The following ATRN variants were observed in gnomAD, a reference collection of about 807,000 sequenced individuals.
The protein encoded by ATRN is attractin, also known as attractin-2.
A neutral mutation model predicts 178.7 loss-of-function variants in ATRN; 54 were observed. The observed-to-expected ratio is 0.30, with a 90% CI of 0.24 to 0.38. The LOEUF (loss-of-function observed/expected upper bound fraction) is 0.38. Ranked by LOEUF, ATRN falls within the 10% of genes least tolerant of loss-of-function variation. The probability of loss-of-function intolerance (pLI) is 1.00; values close to 1 mark genes in which losing one functional copy is unlikely to be tolerated. For synonymous variants in ATRN, 636 were observed against 663.0 expected (o/e 0.96, Z 0.63); for missense variants, 1,443 against 1,815.1 (o/e 0.79, Z 3.73).
chr20:3,614,035 A>G (rs2146304576), intron 24 of ATRN, among the ~76,000 whole-genome samples: 1 of 152,334 alleles, frequency 6.6e-6, no homozygotes, highest in East Asian at 1.9e-4. Flanking sequence ...ACAGATCAAA[A>G]CCTATAACTG....
At chr20:3,591,447 A>T (rs1337403067) in intron 19 of ATRN, 141 bp downstream of exon 19, 7 of 1,097,486 alleles carry the variant, frequency 6.4e-6, no homozygotes. Flanking sequence ...TCAGAAGCTC[A>T]GCTGAGCTGG....
At chr20:3,524,798 G>C (rs1264020515) in intron 1 of ATRN, among the ~76,000 whole-genome samples, 1 of 152,174 alleles carries the variant, frequency 6.6e-6, no homozygotes, top group Non-Finnish European at 1.5e-5. Context: ...ACCTTCTCCT[G>C]AATGACTACT....
At chr20:3,628,798 C>A in intron 25 of ATRN, 1 of 760,572 alleles carries the variant, frequency 1.3e-6, no homozygotes, top group Non-Finnish European at 1.6e-6. Context: ...ATGAGCGAGA[C>A]TCTTCCAGCC....
At chr20:3,585,667 A>G (rs2086347414) in intron 18 of ATRN, among the ~76,000 whole-genome samples, 1 of 152,242 alleles carries the variant, frequency 6.6e-6, no homozygotes, top group Admixed American at 6.5e-5. Context: ...GACAACCCAG[A>G]GAATGGGAGA....
At chr20:3,538,184 TAGA>T in intron 2 of ATRN, among the ~76,000 whole-genome samples, 1 of 150,060 alleles carries the variant, frequency 6.7e-6, no homozygotes, top group South Asian at 2.1e-4. Context: ...TTAATAACAT[TAGA>T]AGTTTTTAAC....
rs1475355272 is a variant in ATRN, at chr20:3,565,415, A to G, written c.1854A>G (p.Ser618=). The G allele has an allele frequency of 6.2e-7, 1 of 1,613,724 alleles. No individual in the cohort carries two copies. The highest frequency in any genetic ancestry group is 1.3e-5 in the African/African-American group (1 of 74,912). Reference sequence around the variant, plus strand: ...ATGATGTCAACAGATTTGGCCATTCAGCAGTCTTACACAACAGGTAATTGG... The same window carrying G: ...ATGATGTCAACAGATTTGGCCATTCGGCAGTCTTACACAACAGGTAATTGG... ...LHHDVNRFGH[S]AVLHNSTMYV... Residue 618 remains serine, a synonymous_variant, in exon 11 of 29, where the codon TCA becomes TCG. Coordinates refer to ENST00000262919, the MANE Select transcript of ATRN (RefSeq NM_139321.3).
At chr20:3,533,676 A>C (rs1600082827) in intron 1 of ATRN, among the ~76,000 whole-genome samples, 1 of 151,936 alleles carries the variant, frequency 6.6e-6, no homozygotes, top group African/African-American at 2.4e-5. Context: ...AATGCATTGC[A>C]TGCTCTGGAT....
At position 3,638,183 on chromosome 20, in the gene ATRN, G is replaced by T. The variant is rs1468248383; in HGVS notation, c.3943-645G>T. On this transcript the variant is annotated intron_variant, in intron 26 of 28. Transcript: ENST00000262919. The surrounding 1 kb of genome is among the most constrained non-coding windows in gnomAD (Gnocchi z 4.5). ...CAGAACATGTAGATTTGTTACATAG[G>T]TATACATGTGCCGTGGTGGTTTGCC... Among the ~76,000 whole-genome samples the T allele has an allele frequency of 2.6e-5, 4 of 152,124 alleles. No individual in the cohort carries two copies. The highest frequency in any genetic ancestry group is 4.4e-5 in the Non-Finnish European group (3 of 68,018).
intron 16 of ATRN, among the ~76,000 whole-genome samples, chr20:3,583,687 A>T (rs1353323031): frequency 2.0e-5 from 3 of 152,132 alleles, no homozygotes; most frequent in African/African-American, 7.2e-5. Flanking sequence ...GCACCCCTGT[A>T]GTCCCAGCTA....
At position 3,594,512 on chromosome 20, in the gene ATRN, A is replaced by C; in HGVS notation, c.3356A>C (p.Asn1119Thr). 6.2e-7 allele frequency: 1 copy of C among 1,612,560 alleles called. No homozygotes were observed. Among genetic ancestry groups the C allele is most frequent in the Non-Finnish European group, 8.5e-7 (1 of 1,178,902 alleles). The change falls in exon 20 of 29, where the codon AAC (asparagine) becomes ACC (threonine). Residue 1119 changes from asparagine (N) to threonine (T), a missense_variant. Coordinates refer to ENST00000262919, the MANE Select transcript of ATRN (RefSeq NM_139321.3). Reference protein sequence around the residue: ...CKCNGHASLCNTNTGKCFCTT... With the variant: ...CKCNGHASLCTTNTGKCFCTT... ...TGCAATGGGCACGCGTCTCTGTGCA[A>C]CACCAACACGGGCAAGTGCTTCTGC... is the stretch of plus-strand genomic sequence containing the variant.
chr20:3,471,512 C>T lies in ATRN; in HGVS notation c.405C>T (p.Arg135=), dbSNP rs866145322. The change falls in exon 1 of 29, where the codon CGC becomes CGT. Residue 135 remains arginine, a synonymous_variant. Coordinates refer to ENST00000262919, the MANE Select transcript of ATRN (RefSeq NM_139321.3). ...VGEQCQHCGG[R]FRLTGSSGFV... ...AGCAATGCCAGCACTGCGGGGGCCG[C>T]TTCAGGTGAGTGGCGGGTGGTGTCG... 1.4e-6 allele frequency: 2 copies of T among 1,399,780 alleles called. No individual in the cohort carries two copies. Among genetic ancestry groups the T allele is most frequent in the Middle Eastern group, 4.0e-4 (2 of 5,000 alleles). 86.7% of individuals were successfully genotyped at this position (1,399,780 alleles called of 1,614,324 possible).
chr20:3,558,207 G>A (rs1340054476), intron 6 of ATRN, among the ~76,000 whole-genome samples: 2 of 152,042 alleles, frequency 1.3e-5, no homozygotes, highest in Non-Finnish European at 2.9e-5. Context: ...TAAATTTTCT[G>A]TTTTTAGTCT....
intron 23 of ATRN, 64 bp downstream of exon 23, chr20:3,601,088 G>A (rs2086601745): frequency 1.4e-6 from 2 of 1,457,784 alleles, no homozygotes; most frequent in East Asian, 4.6e-5. Context: ...ATGTAATATA[G>A]GAATTGAGAA....
At chr20:3,492,854 G>GACGC (rs1555807888) in intron 1 of ATRN, among the ~76,000 whole-genome samples, 5 of 132,432 alleles carry the variant, frequency 3.8e-5, no homozygotes, top group African/African-American at 9.0e-5. Context: ...GAGAGAGAGA[G>GACGC]GCGCGCGCGC....
Position 3,638,716 on chromosome 20 carries a change from G to T in ATRN, c.3943-112G>T. On this transcript the variant is annotated intron_variant, in intron 26 of 28. Transcript: ENST00000262919. This position sits in a 1 kb window ranked among gnomAD's most constrained non-coding sequence, Gnocchi z 4.5. The stretch of plus-strand genomic sequence containing the variant: ...TATCAAGTCTAAAAAGTATCATTTT[G>T]GACTTGATTTGTTTGAATCAGGGAG... 2 of 825,970 alleles carry T rather than the reference G, an allele frequency of 2.4e-6. No individual in the cohort carries two copies. The highest frequency in any genetic ancestry group is 1.7e-5 in the African/African-American group (1 of 58,086). 51.2% of individuals were successfully genotyped at this position (825,970 alleles called of 1,614,324 possible).
At chr20:3,478,599 G>A (rs559937137) in intron 1 of ATRN, among the ~76,000 whole-genome samples, 4 of 152,200 alleles carry the variant, frequency 2.6e-5, no homozygotes, top group South Asian at 2.1e-4. Context: ...ATGGGTTGAT[G>A]GGTGCAGTAA....
chr20:3,580,934 A>G (rs191772481), intron 15 of ATRN, among the ~76,000 whole-genome samples: 1 of 152,036 alleles, frequency 6.6e-6, no homozygotes, highest in East Asian at 1.9e-4. Flanking sequence ...AGGCATGTGT[A>G]TTTTTTCCTC....
intron 11 of ATRN, among the ~76,000 whole-genome samples, chr20:3,565,796 C>CAAAAAAAAAAAAAATAA (rs2086026400): frequency 1.0e-5 from 1 of 100,244 alleles, no homozygotes. Flanking sequence ...GACTCTGTCT[C>CAAAAAAAAAAAAAATAA]AAAAAAAAAA....
intron 2 of ATRN, 61 bp downstream of exon 2, chr20:3,535,397 G>A: frequency 1.1e-6 from 1 of 870,264 alleles, no homozygotes; most frequent in Non-Finnish European, 1.7e-6. Flanking sequence ...TGTGACATTA[G>A]TTTTCCCACA....
Sources: allele counts gnomAD v4.1 joint callset (sites outside exome capture counted in the v4.1 genomes callset), GRCh38; gene constraint gnomAD v4.1.1; non-coding constraint Gnocchi (gnomAD v3.1); transcripts MANE v1.5; gene names NCBI Gene and HGNC (gene_info 2026-07-23, HGNC 2026-07-21).